PPP1R1C: variants seen among roughly 807,000 people sequenced by gnomAD.
The protein encoded by PPP1R1C is protein phosphatase 1 regulatory inhibitor subunit 1C.
A neutral mutation model predicts 17.4 loss-of-function variants in PPP1R1C; 15 were observed. That is an observed-to-expected ratio of 0.86 (90% CI 0.58 to 1.33). The LOEUF (loss-of-function observed/expected upper bound fraction) is 1.33, where lower values mean the gene tolerates loss of function less well. PPP1R1C is among the 40% of genes most tolerant of loss of function. The pLI is 0.00. For synonymous variants in PPP1R1C, 35 were observed against 43.1 expected (o/e 0.81, Z 0.73); for missense variants, 143 against 130.0 (o/e 1.10, Z -0.48).
chr2:182,062,537 C>T (rs1375409366), intron 3 of PPP1R1C, among the ~76,000 whole-genome samples: 1 of 152,098 alleles, frequency 6.6e-6, no homozygotes, highest in Non-Finnish European at 1.5e-5. Context: ...ACCCTGTCTA[C>T]ACCTGTGCAT....
Position 182,008,023 on chromosome 2 carries a change from G to A in PPP1R1C, c.142+20124G>A, listed in dbSNP as rs1685975031. On this transcript the variant is annotated intron_variant, in intron 2 of 4. Coordinates refer to ENST00000682840, the MANE Select transcript of PPP1R1C (RefSeq NM_001080545.3). The stretch of plus-strand genomic sequence containing the variant: ...GTGGAGCTTGCAGTGAGCTGAGATC[G>A]CGCCACTGCACTCCGGCCTGGGCGA... Among the ~76,000 whole-genome samples the A allele has an allele frequency of 2.0e-5, 3 of 151,930 alleles. No individual in the cohort carries two copies. The South Asian group carries it at 6.2e-4, about 31-fold the overall frequency.
At chr2:182,046,613 C>T (rs1262060613) in intron 2 of PPP1R1C, among the ~76,000 whole-genome samples, 1 of 151,234 alleles carries the variant, frequency 6.6e-6, no homozygotes, top group African/African-American at 2.4e-5. Context: ...GTGGCATGCG[C>T]CTGTGATCCC....
intron 2 of PPP1R1C, among the ~76,000 whole-genome samples, chr2:181,977,516 G>T (rs1186926641): frequency 6.6e-6 from 1 of 151,748 alleles, no homozygotes; most frequent in African/African-American, 2.4e-5. Context: ...TGTCTTTCAG[G>T]GCTTATTTGA....
chr2:182,036,178 T>C (rs1686999650), intron 2 of PPP1R1C, among the ~76,000 whole-genome samples: 1 of 152,188 alleles, frequency 6.6e-6, no homozygotes, highest in African/African-American at 2.4e-5. Context: ...CTTCTTACAA[T>C]CTCTGTAACT....
At chr2:182,060,652 A>G (rs1189396105) in intron 2 of PPP1R1C, among the ~76,000 whole-genome samples, 2 of 152,064 alleles carry the variant, frequency 1.3e-5, no homozygotes, top group East Asian at 3.9e-4. Context: ...GATCTACATC[A>G]TTGTCTTTAA....
At chr2:182,086,871 A>G (rs1688643153) in intron 4 of PPP1R1C, among the ~76,000 whole-genome samples, 1 of 152,080 alleles carries the variant, frequency 6.6e-6, no homozygotes, top group African/African-American at 2.4e-5. Context: ...CACGTCCCTG[A>G]CAGAAACCCA....
At chr2:182,058,332 AG>A (rs1174774120) in intron 2 of PPP1R1C, among the ~76,000 whole-genome samples, 1 of 152,034 alleles carries the variant, frequency 6.6e-6, no homozygotes, top group Non-Finnish European at 1.5e-5. Flanking sequence ...TGACTAGACT[AG>A]GCTTAAGGGG....
At chr2:182,081,275 A>C (rs1190486074) in intron 4 of PPP1R1C, among the ~76,000 whole-genome samples, 4 of 152,214 alleles carry the variant, frequency 2.6e-5, no homozygotes, top group African/African-American at 9.6e-5. Context: ...AAAGGGAACG[A>C]GAAAAAGCAC....
At chr2:182,021,519 G>A (rs1013547059) in intron 2 of PPP1R1C, among the ~76,000 whole-genome samples, 1 of 151,674 alleles carries the variant, frequency 6.6e-6, no homozygotes, top group Non-Finnish European at 1.5e-5. Context: ...GTAGAGACAG[G>A]GTTTCACCAT....
At chr2:182,031,795 T>C (rs1169758266) in intron 2 of PPP1R1C, among the ~76,000 whole-genome samples, 2 of 152,246 alleles carry the variant, frequency 1.3e-5, no homozygotes, top group Admixed American at 6.5e-5. Context: ...TTATATATTC[T>C]ACTATGAGTA....
intron 4 of PPP1R1C, among the ~76,000 whole-genome samples, chr2:182,091,140 T>C (rs924507072): frequency 2.0e-5 from 3 of 152,108 alleles, no homozygotes; most frequent in Non-Finnish European, 2.9e-5. Flanking sequence ...CTTAAATCTA[T>C]GTAGGAAAAG....
chr2:182,035,442 A>G (rs564031809), intron 2 of PPP1R1C, among the ~76,000 whole-genome samples: 1 of 152,338 alleles, frequency 6.6e-6, no homozygotes, highest in South Asian at 2.1e-4. Context: ...TTGTTTCTTC[A>G]TAGAATTTAC....
intron 2 of PPP1R1C, among the ~76,000 whole-genome samples, chr2:182,056,395 T>C (rs191499138): frequency 6.6e-6 from 1 of 152,246 alleles, no homozygotes; most frequent in African/African-American, 2.4e-5. Context: ...TGTGGCTCTA[T>C]CTTTTTAGTC....
chr2:182,041,654 C>T (rs1049558379), intron 2 of PPP1R1C, among the ~76,000 whole-genome samples: 2 of 149,104 alleles, frequency 1.3e-5, no homozygotes, highest in Admixed American at 6.7e-5. Flanking sequence ...TAGCCACTTT[C>T]GGTATATAAA....
At chr2:182,003,084 A>T (rs1685819509) in intron 2 of PPP1R1C, among the ~76,000 whole-genome samples, 1 of 152,122 alleles carries the variant, frequency 6.6e-6, no homozygotes, top group Admixed American at 6.5e-5. Context: ...ATCAACATAT[A>T]GGGGAAATGG....
chr2:182,073,121 C>T (rs1017909402), intron 4 of PPP1R1C, among the ~76,000 whole-genome samples: 1 of 152,184 alleles, frequency 6.6e-6, no homozygotes, highest in Non-Finnish European at 1.5e-5. Flanking sequence ...GTGTTATTTA[C>T]ATAGAGGCGT....
intron 2 of PPP1R1C, among the ~76,000 whole-genome samples, chr2:182,001,938 T>C (rs1307802476): frequency 2.0e-5 from 3 of 152,296 alleles, no homozygotes; most frequent in South Asian, 4.1e-4. Flanking sequence ...TTTGCAGTCA[T>C]ATACGTATAG....
intron 5 of PPP1R1C, among the ~76,000 whole-genome samples, chr2:182,125,125 C>T (rs996640451): frequency 6.6e-6 from 1 of 152,052 alleles, no homozygotes; most frequent in Non-Finnish European, 1.5e-5. Context: ...TGAATTTTAT[C>T]AAAGGCCTTT....
intron 5 of PPP1R1C, among the ~76,000 whole-genome samples, chr2:182,126,886 C>T (rs528104534): frequency 7.9e-5 from 12 of 152,056 alleles, no homozygotes; most frequent in Middle Eastern, 3.4e-3. Context: ...AACTTGGAGA[C>T]AAGGGAAAAA....
Sources: gnomAD v4.1 joint callset for allele counts (sites outside exome capture counted in the v4.1 genomes callset) on GRCh38, gnomAD v4.1.1 for gene constraint, MANE v1.5 for transcripts, NCBI Gene and HGNC (gene_info 2026-07-23, HGNC 2026-07-21) for gene names.